The following PCBP3 variants were observed in gnomAD, a reference collection of about 807,000 sequenced individuals.
PCBP3 encodes poly(rC)-binding protein 3.
PCBP3 carries 25 observed loss-of-function variants against 52.7 expected under a neutral mutation model. The ratio of observed to expected loss-of-function variants is 0.47; its 90% CI spans 0.35 to 0.66. The LOEUF is 0.66. PCBP3 is among the 30% of genes least tolerant of loss of function. The pLI is 0.01. For missense variants in PCBP3, 391 were observed against 490.3 expected (o/e 0.80, Z 1.91); for synonymous variants, 162 against 183.0 (o/e 0.89, Z 0.93).
rs371848167 is a variant in PCBP3, at chr21:45,919,863, A to ATGTGTGTGGCAGGGG, written c.717+2239_717+2253dup. On this transcript the variant is annotated intron_variant, in intron 13 of 17. Transcript: ENST00000681687. ...CGCGCGCGCGTGCGCGTCCCCGTGC[A>ATGTGTGTGGCAGGGG]TGTGTGTGGCAGGGGTGTGGGGGGC... is the stretch of plus-strand genomic sequence containing the variant. Among the ~76,000 whole-genome samples, 1,471 of 152,180 alleles carry ATGTGTGTGGCAGGGG rather than the reference A, an allele frequency of 9.7e-3. 21 individuals are homozygous for ATGTGTGTGGCAGGGG. Among genetic ancestry groups the ATGTGTGTGGCAGGGG allele is most frequent in the African/African-American group, 0.033 (1,368 of 41,528 alleles).
chr21:45,938,147 T>C (rs2077073584), intron 16 of PCBP3, among the ~76,000 whole-genome samples: 1 of 152,168 alleles, frequency 6.6e-6, no homozygotes, highest in South Asian at 2.1e-4. Context: ...GGGTAGGCCC[T>C]GTTTGCAGGA....
At chr21:45,831,346 T>C (rs551410779) in intron 4 of PCBP3, 2 of 149,650 alleles carry the variant, frequency 1.3e-5, no homozygotes, top group East Asian at 2.0e-4. Context: ...GAGGTGCAGG[T>C]TGGAGTGAGC....
In PCBP3 at chr21:45,855,308, C is replaced by G. The variant is rs181403425; in HGVS notation, c.10+5213C>G. ...ACAGGGAGGCCAGCACAGACGCAGG[C>G]TCCGGAAGCCCACGGAGAGGGCTGG... On this transcript the variant is annotated intron_variant, in intron 5 of 17. Coordinates refer to ENST00000681687, the MANE Select transcript of PCBP3 (RefSeq NM_001384156.1). 2.5e-4 allele frequency among the ~76,000 whole-genome samples: 38 copies of G among 152,288 alleles called. 1 individual carries two copies. The highest frequency in any genetic ancestry group is 2.1e-3 in the Admixed American group (32 of 15,298).
chr21:45,910,946 C>G lies in PCBP3; in HGVS notation c.516C>G (p.Asn172Lys). The G allele has an allele frequency of 1.2e-6, 2 of 1,611,880 alleles. No homozygotes were observed. The highest frequency in any genetic ancestry group is 1.7e-6 in the Non-Finnish European group (2 of 1,179,820). The change falls in exon 11 of 18, where the codon AAC (asparagine) becomes AAG (lysine). Residue 172 changes from asparagine (N) to lysine (K), a missense_variant. Physicochemically the swap from Asn to Lys is moderately conservative, Grantham distance 94 (BLOSUM62 0). Transcript: ENST00000681687. Reference sequence around the variant, plus strand: ...AGGTGGCTGGGGACATGCTGCCCAACTCCACGGAGCGAGCGGTGACCATCT... The same window carrying G: ...AGGTGGCTGGGGACATGCTGCCCAAGTCCACGGAGCGAGCGGTGACCATCT... ...QVQVAGDMLPNSTERAVTISG... is the reference protein window; with the variant it reads ...QVQVAGDMLPKSTERAVTISG...
intron 4 of PCBP3, among the ~76,000 whole-genome samples, chr21:45,779,917 T>C (rs1394022221): frequency 6.6e-6 from 1 of 152,224 alleles, no homozygotes; most frequent in Non-Finnish European, 1.5e-5. Context: ...GCTGTTAAGA[T>C]AGACAAGTAG....
intron 2 of PCBP3, among the ~76,000 whole-genome samples, chr21:45,723,608 G>A (rs573631554): frequency 2.0e-4 from 30 of 152,030 alleles, no homozygotes; most frequent in Non-Finnish European, 3.7e-4. Flanking sequence ...ACACATACCT[G>A]AAGTATGATC....
intron 6 of PCBP3, among the ~76,000 whole-genome samples, chr21:45,897,954 C>A (rs1569465495): frequency 6.6e-6 from 1 of 152,194 alleles, no homozygotes; most frequent in East Asian, 1.9e-4. Flanking sequence ...TGCGTGGCCT[C>A]CCGCCGGGAG....
intron 2 of PCBP3, among the ~76,000 whole-genome samples, chr21:45,697,046 C>G (rs1190312503): frequency 6.6e-6 from 1 of 152,120 alleles, no homozygotes; most frequent in Non-Finnish European, 1.5e-5. Flanking sequence ...TTGATTGTGA[C>G]CTGCTTTGAC....
At chr21:45,806,938 A>C (rs920694418) in intron 4 of PCBP3, among the ~76,000 whole-genome samples, 1 of 152,212 alleles carries the variant, frequency 6.6e-6, no homozygotes, top group Non-Finnish European at 1.5e-5. Flanking sequence ...CTCTGTGGAC[A>C]CTGCACACTC....
At chr21:45,768,803 A>T (rs1287334803) in intron 4 of PCBP3, among the ~76,000 whole-genome samples, 2 of 152,134 alleles carry the variant, frequency 1.3e-5, no homozygotes, top group African/African-American at 4.8e-5. Context: ...CTGGCTGAGG[A>T]CGTGCTGTGC....
chr21:45,803,892 C>T (rs1311512986), intron 4 of PCBP3, among the ~76,000 whole-genome samples: 2 of 152,184 alleles, frequency 1.3e-5, no homozygotes, highest in African/African-American at 2.4e-5. Flanking sequence ...CTGCTGAGTC[C>T]CTTCCCATGA....
intron 15 of PCBP3, 88 bp from the exon 16 acceptor site, chr21:45,935,165 C>T (rs888127664): frequency 1.1e-6 from 1 of 907,268 alleles, no homozygotes; most frequent in Non-Finnish European, 1.8e-6. Flanking sequence ...CCCTGTCTCA[C>T]TTGACCCAGG....
chr21:45,918,098 GT>G, intron 13 of PCBP3: 5 of 216,712 alleles, frequency 2.3e-5, no homozygotes, highest in South Asian at 1.4e-4. Context: ...AAAACATAGG[GT>G]CCATCTACAC....
chr21:45,888,777 C>T (rs1259397140), intron 5 of PCBP3, among the ~76,000 whole-genome samples: 4 of 151,650 alleles, frequency 2.6e-5, no homozygotes, highest in Non-Finnish European at 5.9e-5. Flanking sequence ...GTTTGCACAT[C>T]AAATCACACG....
chr21:45,804,585 C>T (rs1348228659), intron 4 of PCBP3, among the ~76,000 whole-genome samples: 1 of 151,964 alleles, frequency 6.6e-6, no homozygotes, highest in Non-Finnish European at 1.5e-5. Flanking sequence ...CCTGAGTGTC[C>T]CTTGGTCCAT....
At chr21:45,658,367 G>A (rs1194248716) in intron 1 of PCBP3, among the ~76,000 whole-genome samples, 1 of 152,086 alleles carries the variant, frequency 6.6e-6, no homozygotes, top group Non-Finnish European at 1.5e-5. Flanking sequence ...GCAGAGGTGC[G>A]ATCTCAGCTC....
Position 45,930,843 on chromosome 21 carries a change from C to T in PCBP3, c.854C>T (p.Ser285Leu), listed in dbSNP as rs2076084166. The T allele has an allele frequency of 6.2e-7, 1 of 1,611,470 alleles. No homozygotes were observed. Among genetic ancestry groups the T allele is most frequent in the East Asian group, 2.2e-5 (1 of 44,872 alleles). ...EEAQNLMGQS[S>L]GLDASPPAST... ...GCTCAAAATCTGATGGGCCAGTCAT[C>T]AGGTAACACAAAGCCACACTGACAG... Residue 285 changes from serine (S) to leucine (L), a missense_variant and splice_region_variant, in exon 15 of 18, where the codon TCA (serine) becomes TTA (leucine). Physicochemically the swap from Ser to Leu is moderately radical, Grantham distance 145. Coordinates refer to ENST00000681687, the MANE Select transcript of PCBP3 (RefSeq NM_001384156.1).
chr21:45,765,755 C>T (rs903778643), intron 4 of PCBP3, among the ~76,000 whole-genome samples: 7 of 152,144 alleles, frequency 4.6e-5, no homozygotes, highest in African/African-American at 2.4e-5. Context: ...TCCACAGGGA[C>T]GACTGTTCTC....
intron 5 of PCBP3, among the ~76,000 whole-genome samples, chr21:45,863,912 T>C (rs2094605359): frequency 6.6e-6 from 1 of 152,242 alleles, no homozygotes; most frequent in South Asian, 2.1e-4. Context: ...CCGTGCACGA[T>C]GCGTTACGAT....
Sources: gnomAD v4.1 joint callset for allele counts (sites outside exome capture counted in the v4.1 genomes callset) on GRCh38, gnomAD v4.1.1 for gene constraint, MANE v1.5 for transcripts, NCBI Gene and HGNC (gene_info 2026-07-23, HGNC 2026-07-21) for gene names.